The following PVT1 variants were observed in gnomAD, a reference collection of about 807,000 sequenced individuals.
PVT1 encodes the protein Pvt1 oncogene.
intron 3 of PVT1, among the ~76,000 whole-genome samples, chr8:127,974,779 G>C (rs1816804355): frequency 6.6e-6 from 1 of 152,156 alleles, no homozygotes; most frequent in Non-Finnish European, 1.5e-5. Flanking sequence ...ATACGGGTGA[G>C]AAAACAAAAT....
At chr8:127,797,908 C>T (rs1296073295) in intron 2 of PVT1, among the ~76,000 whole-genome samples, 1 of 152,146 alleles carries the variant, frequency 6.6e-6, no homozygotes, top group Non-Finnish European at 1.5e-5. Flanking sequence ...AAAATATCCT[C>T]CCAGGTCACA....
At chr8:127,905,552 T>G (rs1815809686) in intron 3 of PVT1, among the ~76,000 whole-genome samples, 1 of 152,236 alleles carries the variant, frequency 6.6e-6, no homozygotes, top group Admixed American at 6.5e-5. Context: ...GCACCTCAAC[T>G]CAGGTGAATG....
chr8:127,918,314 G>A (rs1816013885), intron 3 of PVT1, among the ~76,000 whole-genome samples: 1 of 152,202 alleles, frequency 6.6e-6, no homozygotes, highest in South Asian at 2.1e-4. Context: ...AGCACAGCCA[G>A]GGAAAGAGTG....
chr8:127,840,534 A>G (rs1325832738), intron 2 of PVT1, among the ~76,000 whole-genome samples: 3 of 152,234 alleles, frequency 2.0e-5, no homozygotes, highest in Non-Finnish European at 2.9e-5. Flanking sequence ...CAAGGCTTGA[A>G]TCCTGTTTGG....
At chr8:127,890,085 A>G (rs771688784) in intron 2 of PVT1, among the ~76,000 whole-genome samples, 1 of 152,194 alleles carries the variant, frequency 6.6e-6, no homozygotes, top group Non-Finnish European at 1.5e-5. Context: ...CCCTGCCCTG[A>G]AGAGGCTCAC....
chr8:127,963,457 A>C (rs1193992486), intron 3 of PVT1, among the ~76,000 whole-genome samples: 1 of 151,836 alleles, frequency 6.6e-6, no homozygotes, highest in African/African-American at 2.4e-5. Flanking sequence ...GTTCTCACCC[A>C]CTCCTGCCTC....
At chr8:128,014,377 T>A (rs1027482100) in intron 4 of PVT1, among the ~76,000 whole-genome samples, 4 of 152,214 alleles carry the variant, frequency 2.6e-5, no homozygotes, top group African/African-American at 7.2e-5. Flanking sequence ...TCATTGGAGC[T>A]GCTTGAGAAG....
chr8:128,023,491 A>AACTATT (rs1817461132), intron 4 of PVT1, among the ~76,000 whole-genome samples: 1 of 152,242 alleles, frequency 6.6e-6, no homozygotes, highest in Non-Finnish European at 1.5e-5. Flanking sequence ...ACTCAGTAAT[A>AACTATT]ACTATTACTA....
intron 4 of PVT1, among the ~76,000 whole-genome samples, chr8:128,010,772 C>A (rs1563665103): frequency 6.6e-6 from 1 of 152,136 alleles, no homozygotes; most frequent in East Asian, 1.9e-4. Flanking sequence ...TTGAGGGGTA[C>A]AGGGAAGTTT....
chr8:127,960,436 G>A (rs933129996), intron 3 of PVT1, among the ~76,000 whole-genome samples: 1 of 152,136 alleles, frequency 6.6e-6, no homozygotes, highest in African/African-American at 2.4e-5. Context: ...AAGGCTGGGC[G>A]GGTGTGCCTA....
At chr8:128,030,408 G>A (rs762215518) in intron 4 of PVT1, among the ~76,000 whole-genome samples, 1 of 152,090 alleles carries the variant, frequency 6.6e-6, no homozygotes, top group Non-Finnish European at 1.5e-5. Context: ...GTCATTTAAT[G>A]TAAGTTGAAT....
chr8:127,997,266 C>A (rs1817118044), intron 4 of PVT1, among the ~76,000 whole-genome samples: 1 of 152,048 alleles, frequency 6.6e-6, no homozygotes, highest in Admixed American at 6.6e-5. Flanking sequence ...GTCTCGAACT[C>A]CTGACCTCAG....
intron 5 of PVT1, among the ~76,000 whole-genome samples, chr8:128,073,331 T>G (rs1814022887): frequency 6.6e-6 from 1 of 152,250 alleles, no homozygotes; most frequent in Non-Finnish European, 1.5e-5. Flanking sequence ...TGTTTTTTAA[T>G]TTAACTGACC....
At chr8:127,888,570 A>G (rs1815555144) in intron 2 of PVT1, among the ~76,000 whole-genome samples, 1 of 152,272 alleles carries the variant, frequency 6.6e-6, no homozygotes, top group Admixed American at 6.5e-5. Flanking sequence ...ATTTTGGATC[A>G]TCTGGGTGAG....
chr8:128,096,577 C>T (rs11604), exon 6 of PVT1: 57,781 of 151,590 alleles, frequency 0.38, 13,463 homozygotes, highest in Non-Finnish European at 0.53. Context: ...ACCCCAGGAA[C>T]GCTTGGAGGC....
intron 5 of PVT1, among the ~76,000 whole-genome samples, chr8:128,081,097 A>G (rs1814171173): frequency 6.6e-6 from 1 of 152,170 alleles, no homozygotes; most frequent in African/African-American, 2.4e-5. Context: ...ATACCACGCC[A>G]TCTTGATGAC....
intron 4 of PVT1, among the ~76,000 whole-genome samples, chr8:127,997,533 C>T (rs1262853300): frequency 6.6e-6 from 1 of 152,130 alleles, no homozygotes; most frequent in African/African-American, 2.4e-5. Context: ...AGGAAATATT[C>T]CAGATGTCAT....
intron 2 of PVT1, among the ~76,000 whole-genome samples, chr8:127,804,412 C>T (rs1196301085): frequency 6.6e-6 from 1 of 152,124 alleles, no homozygotes; most frequent in Non-Finnish European, 1.5e-5. Flanking sequence ...TTCAAGTGAC[C>T]CTCCCACTTT....
chr8:127,897,975 G>A (rs910308752), intron 3 of PVT1, among the ~76,000 whole-genome samples: 10 of 144,084 alleles, frequency 6.9e-5, no homozygotes, highest in Non-Finnish European at 1.4e-4. Context: ...AGGAAGGAAG[G>A]AAGAAAGAAG....
Sources: allele counts gnomAD v4.1 joint callset (sites outside exome capture counted in the v4.1 genomes callset), GRCh38; gene constraint gnomAD v4.1.1; transcripts MANE v1.5; gene names NCBI Gene and HGNC (gene_info 2026-07-23, HGNC 2026-07-21).